Variants in PATJ observed in about 807,000 individuals in gnomAD.
The protein encoded by PATJ is PATJ crumbs cell polarity complex component.
In PATJ, 190 loss-of-function variants were observed where a neutral mutation model predicts 224.9. That is an observed-to-expected ratio of 0.84 (90% CI 0.75 to 0.95). The LOEUF is 0.95. Among genes scored for constraint, PATJ ranks in the 40% least tolerant of loss-of-function variants. The pLI, the probability that PATJ is intolerant of heterozygous loss-of-function variation, is 0.00. For synonymous variants in PATJ, 769 were observed against 820.3 expected, an observed-to-expected ratio of 0.94 and a Z score of 1.07; for missense variants, 2,121 against 2,270.3, an observed-to-expected ratio of 0.93 and a Z score of 1.34.
At chr1:62,109,277 T>C (rs1211854465) in intron 34 of PATJ, among the ~76,000 whole-genome samples, 2 of 152,192 alleles carry the variant, frequency 1.3e-5, no homozygotes, top group African/African-American at 4.8e-5. Flanking sequence ...ATGTGCATTT[T>C]TGCTTTGCAA....
intron 28 of PATJ, chr1:61,991,579 C>T: frequency 1.0e-6 from 1 of 985,414 alleles, no homozygotes; most frequent in Non-Finnish European, 1.2e-6. Context: ...AGACCATCGC[C>T]ATCAACTCTT....
chr1:61,808,499 C>A lies in PATJ; in HGVS notation c.1652C>A (p.Ala551Glu). Reference protein sequence around the residue: ...VMVATLDTQIADDAELQKYSK... With the variant: ...VMVATLDTQIEDDAELQKYSK... Reference sequence around the variant, plus strand: ...GTTGCTACTTTGGACACACAGATTGCAGATGATGCTGAGTTACAGAAATAT... The same window carrying A: ...GTTGCTACTTTGGACACACAGATTGAAGATGATGCTGAGTTACAGAAATAT... The change falls in exon 14 of 44, where the codon GCA becomes GAA. Residue 551 changes from alanine to glutamate, a missense_variant. Physicochemically the swap from Ala to Glu is moderately radical, Grantham distance 107. Transcript: ENST00000642238. 1 of 1,607,668 alleles carries A rather than the reference C, an allele frequency of 6.2e-7. No individual in the cohort carries two copies. The highest frequency in any genetic ancestry group is 8.5e-7 in the Non-Finnish European group (1 of 1,175,208).
chr1:61,903,415 G>A (rs1464468991), intron 24 of PATJ, among the ~76,000 whole-genome samples: 1 of 152,184 alleles, frequency 6.6e-6, no homozygotes, highest in Non-Finnish European at 1.5e-5. Flanking sequence ...GACTGTGGGA[G>A]GAACAGATTT....
rs191942123 is a variant in PATJ, at chr1:61,799,564, T to G, written c.1403-2059T>G. Reference sequence around the variant, plus strand: ...AAATGTTTTTTTAATTTAAAATTTATTTTTATAGATTCAGGGGATAAATGT... The same window carrying G: ...AAATGTTTTTTTAATTTAAAATTTAGTTTTATAGATTCAGGGGATAAATGT... On this transcript the variant is annotated intron_variant, in intron 11 of 43. Coordinates refer to ENST00000642238, the MANE Select transcript of PATJ (RefSeq NM_001350145.3). Among the ~76,000 whole-genome samples, 219 of 152,320 alleles carry G rather than the reference T, an allele frequency of 1.4e-3. 1 individual carries two copies. Among genetic ancestry groups the G allele is most frequent in the African/African-American group, 4.7e-3 (197 of 41,572 alleles).
intron 41 of PATJ, among the ~76,000 whole-genome samples, chr1:62,132,858 C>T (rs1273002627): frequency 6.6e-6 from 1 of 151,688 alleles, no homozygotes; most frequent in African/African-American, 2.4e-5. Context: ...GAGCCAAGAT[C>T]GTGCCACTGC....
At chr1:62,069,891 T>A (rs1412354707) in intron 31 of PATJ, among the ~76,000 whole-genome samples, 1 of 151,900 alleles carries the variant, frequency 6.6e-6, no homozygotes, top group Admixed American at 6.6e-5. Context: ...GCATTCTTAA[T>A]AAAAAAATGA....
chr1:62,102,853 C>A (rs1331512605), intron 33 of PATJ, among the ~76,000 whole-genome samples: 2 of 118,998 alleles, frequency 1.7e-5, no homozygotes, highest in Non-Finnish European at 3.3e-5. Flanking sequence ...GAGCAATACC[C>A]TGTCTCAAAA....
chr1:62,121,114 G>T, intron 37 of PATJ, 67 bp from the exon 38 acceptor site: 1 of 951,334 alleles, frequency 1.1e-6, no homozygotes, highest in African/African-American at 1.7e-5. Context: ...CACACTAATG[G>T]ATAAGTATGC....
intron 27 of PATJ, among the ~76,000 whole-genome samples, chr1:61,955,990 T>G (rs1462678386): frequency 6.6e-6 from 1 of 152,138 alleles, no homozygotes; most frequent in African/African-American, 2.4e-5. Context: ...TTTACTGTAT[T>G]CCCCAGCAAA....
chr1:61,927,378 A>C (rs1173922002), intron 26 of PATJ, among the ~76,000 whole-genome samples: 1 of 152,176 alleles, frequency 6.6e-6, no homozygotes, highest in African/African-American at 2.4e-5. Flanking sequence ...AATGTCTTTC[A>C]TTTGAATTTT....
At chr1:61,799,126 A>G (rs1015846446) in intron 11 of PATJ, among the ~76,000 whole-genome samples, 2 of 152,184 alleles carry the variant, frequency 1.3e-5, no homozygotes, top group Non-Finnish European at 2.9e-5. Context: ...CAGTGTATGA[A>G]ATTAAAAATT....
At chr1:61,945,855 T>G (rs539396653) in intron 27 of PATJ, among the ~76,000 whole-genome samples, 2 of 152,120 alleles carry the variant, frequency 1.3e-5, no homozygotes, top group Non-Finnish European at 2.9e-5. Flanking sequence ...ACAGAAATCA[T>G]AACAAACTGT....
chr1:62,112,922 T>C (rs534077533), intron 34 of PATJ, among the ~76,000 whole-genome samples: 1 of 152,306 alleles, frequency 6.6e-6, no homozygotes, highest in South Asian at 2.1e-4. Flanking sequence ...TCTTGGCTCC[T>C]CCACCTGCTA....
At chr1:62,122,974 A>G in intron 38 of PATJ, 47 bp from the exon 39 acceptor site, 1 of 1,264,380 alleles carries the variant, frequency 7.9e-7, no homozygotes, top group Non-Finnish European at 1.1e-6. Flanking sequence ...TATGCTAAAT[A>G]TATTATTTTT....
At chr1:61,759,176 C>T (rs1645818666) in intron 1 of PATJ, among the ~76,000 whole-genome samples, 1 of 152,158 alleles carries the variant, frequency 6.6e-6, no homozygotes, top group African/African-American at 2.4e-5. Flanking sequence ...AATTCATAAA[C>T]TTTCTTAAAA....
chr1:62,013,758 A>G (rs1646595534), intron 28 of PATJ, among the ~76,000 whole-genome samples: 1 of 152,186 alleles, frequency 6.6e-6, no homozygotes, highest in Non-Finnish European at 1.5e-5. Context: ...CAGGCCTTGA[A>G]TCAGGCTCAT....
intron 22 of PATJ, among the ~76,000 whole-genome samples, chr1:61,889,521 C>T (rs1408537475): frequency 6.6e-6 from 1 of 152,184 alleles, no homozygotes; most frequent in African/African-American, 2.4e-5. Context: ...ACTGTCTTTT[C>T]TGTACGTACA....
At chr1:62,006,308 G>T (rs1646093239) in intron 28 of PATJ, among the ~76,000 whole-genome samples, 1 of 152,062 alleles carries the variant, frequency 6.6e-6, no homozygotes, top group South Asian at 2.1e-4. Flanking sequence ...TAGAGACAGG[G>T]TTTCACCATG....
intron 41 of PATJ, 143 bp from the exon 42 acceptor site, chr1:62,148,141 A>AAAAAAAG: frequency 2.1e-6 from 1 of 471,916 alleles, no homozygotes; most frequent in Middle Eastern, 6.0e-4. Context: ...AAAAAAAAAA[A>AAAAAAAG]GTTTGAGAGA....
Sources: allele counts gnomAD v4.1 joint callset (sites outside exome capture counted in the v4.1 genomes callset), GRCh38; gene constraint gnomAD v4.1.1; transcripts MANE v1.5; gene names NCBI Gene and HGNC (gene_info 2026-07-23, HGNC 2026-07-21).